Variants in PSD2 observed in about 807,000 individuals in gnomAD.
PSD2 encodes the protein pleckstrin and Sec7 domain containing 2.
A neutral mutation model predicts 69.8 loss-of-function variants in PSD2; 38 were observed. The ratio of observed to expected loss-of-function variants is 0.54; its 90% confidence interval spans 0.42 to 0.71. The LOEUF is 0.71. PSD2 is among the 30% of genes least tolerant of loss of function. The pLI is 0.00. For missense variants in PSD2, 943 were observed against 1,014.5 expected (o/e 0.93, Z 0.96); for synonymous variants, 412 against 423.0 (o/e 0.97, Z 0.32).
At chr5:139,811,474 GCTT>G (rs905027779) in intron 2 of PSD2, among the ~76,000 whole-genome samples, 21 of 152,288 alleles carry the variant, frequency 1.4e-4, no homozygotes, top group African/African-American at 4.8e-4. Context: ...GGAGGGGAGT[GCTT>G]CTTTGCACAT....
At chr5:139,790,602 A>G in the PSD2 span, among the ~76,000 whole-genome samples, 1 of 152,202 alleles carries the variant, frequency 6.6e-6, no homozygotes, top group East Asian at 1.9e-4. Flanking sequence ...TCAAGGGAAG[A>G]AAGTATGTCA....
chr5:139,745,196 T>G, the PSD2 span: 1 of 152,280 alleles, frequency 6.6e-6, no homozygotes, highest in African/African-American at 2.4e-5. Context: ...TCATATACAC[T>G]GTCAGGCTCT....
Position 139,843,135 on chromosome 5 carries a change from A to G in PSD2, c.*661A>G, listed in dbSNP as rs910272848. The G allele has an allele frequency of 1.3e-5, 2 of 152,594 alleles. No individual in the cohort carries two copies. The highest frequency in any genetic ancestry group is 4.8e-5 in the African/African-American group (2 of 41,470). 9.5% of individuals were successfully genotyped at this position (152,594 alleles called of 1,614,324 possible). On this transcript the variant is annotated 3_prime_UTR_variant, in exon 15 of 15. Coordinates refer to ENST00000274710, the MANE Select transcript of PSD2 (RefSeq NM_032289.4). ...ATATACATCTATAAGAATAATATAT[A>G]CATAAGGAACCCCTGAAAGATGGTT...
At chr5:139,768,723 A>C in the PSD2 span, among the ~76,000 whole-genome samples, 1 of 126,650 alleles carries the variant, frequency 7.9e-6, no homozygotes. Context: ...AACTCCATCT[A>C]AAAAAAAAAA....
intron 7 of PSD2, among the ~76,000 whole-genome samples, chr5:139,830,626 CTCTTTCTT>C (rs56225945): frequency 1.7e-3 from 169 of 97,678 alleles, no homozygotes; most frequent in Middle Eastern, 5.0e-3. Context: ...TTCTTTCTTT[CTCTTTCTT>C]TCTTTCTTTC....
At chr5:139,822,831 C>G in intron 7 of PSD2, 47 bp downstream of exon 7, 1 of 1,542,760 alleles carries the variant, frequency 6.5e-7, no homozygotes, top group South Asian at 1.2e-5. Flanking sequence ...TCTCAGGGAC[C>G]CACCTTGTGT....
intron 1 of PSD2, among the ~76,000 whole-genome samples, chr5:139,803,577 CT>C (rs1189889560): frequency 1.3e-5 from 2 of 152,202 alleles, no homozygotes; most frequent in East Asian, 3.8e-4. Flanking sequence ...AGTCACACAG[CT>C]TGTGGCTAGC....
At chr5:139,822,639 C>A in intron 6 of PSD2, 87 bp from the exon 7 acceptor site, 1 of 1,243,330 alleles carries the variant, frequency 8.0e-7, no homozygotes, top group Non-Finnish European at 1.1e-6. Context: ...CCTCTGTGTC[C>A]AAGGTCTCCT....
rs974789449 is a variant in PSD2, at chr5:139,844,426, A to T, written c.*1952A>T. 1 of 152,438 alleles carries T rather than the reference A, an allele frequency of 6.6e-6. No homozygotes were observed. The highest frequency in any genetic ancestry group is 1.9e-4 in the East Asian group (1 of 5,196). 9.4% of individuals were successfully genotyped at this position (152,438 alleles called of 1,614,324 possible). A position where few individuals can be genotyped will look rare whatever the true frequency, so the allele number is the denominator to read the frequency against. On this transcript the variant is annotated 3_prime_UTR_variant, in exon 15 of 15. Transcript: ENST00000274710. ...AAAACATACACAAAAATAGAAATTT[A>T]AAAAAGATGAGATGAAAATAAATCT...
chr5:139,758,646 C>G, the PSD2 span, among the ~76,000 whole-genome samples: 8 of 152,132 alleles, frequency 5.3e-5, no homozygotes, highest in Non-Finnish European at 8.8e-5. Context: ...CTTTTACTAC[C>G]CTGCTCCCTG....
At chr5:139,792,674 G>T (rs1045582921), upstream of PSD2, among the ~76,000 whole-genome samples, 1 of 152,066 alleles carries the variant, frequency 6.6e-6, no homozygotes, top group Non-Finnish European at 1.5e-5. Context: ...TGGCTCCTGG[G>T]TAGGGGGATG....
At chr5:139,808,064 G>A (rs1249615711) in intron 1 of PSD2, among the ~76,000 whole-genome samples, 1 of 152,226 alleles carries the variant, frequency 6.6e-6, no homozygotes, top group African/African-American at 2.4e-5. Flanking sequence ...GGCAGCCAGT[G>A]CCTCTCTTGA....
intron 2 of PSD2, among the ~76,000 whole-genome samples, chr5:139,812,326 A>G (rs1759989227): frequency 6.6e-6 from 1 of 152,004 alleles, no homozygotes; most frequent in Admixed American, 6.6e-5. Context: ...ATGTGGAAGG[A>G]GGGCTTTAGC....
chr5:139,744,590 C>T, the PSD2 span, among the ~76,000 whole-genome samples: 3 of 152,122 alleles, frequency 2.0e-5, no homozygotes, highest in Non-Finnish European at 4.4e-5. Context: ...TCTCAGAGCA[C>T]GATGGTGGCA....
the PSD2 span, among the ~76,000 whole-genome samples, chr5:139,755,471 A>T: frequency 6.6e-6 from 1 of 151,892 alleles, no homozygotes; most frequent in Non-Finnish European, 1.5e-5. Flanking sequence ...TTGTGTTTGT[A>T]GCTCTGCCTG....
In PSD2 at chr5:139,809,662, CCT is replaced by C; in HGVS notation, c.230_231del (p.Leu77HisfsTer42). On this transcript the variant is annotated frameshift_variant, in exon 2 of 15. Transcript: ENST00000274710. LOFTEE classifies it high-confidence loss of function. ...TGGCCTTCCATGGCCTCAGCCTTGG[CCT>C]CTCTCTCACCAATGGCCTAGCCCTG... ...DVAFHGLSLGLSLTNGLALGP... is the reference protein window; with the variant it reads ...DVAFHGLSLGXSLTNGLALGP... 5.0e-6 allele frequency: 8 copies of C among 1,614,260 alleles called. No homozygotes were observed. The highest frequency in any genetic ancestry group is 6.8e-6 in the Non-Finnish European group (8 of 1,180,048).
At chr5:139,753,693 C>A in the PSD2 span, among the ~76,000 whole-genome samples, 1 of 152,192 alleles carries the variant, frequency 6.6e-6, no homozygotes, top group Non-Finnish European at 1.5e-5. Context: ...CCCAGAGAGG[C>A]CAAGCCCTAG....
chr5:139,792,859 T>TTCCTTCC (rs1554093428), upstream of PSD2, among the ~76,000 whole-genome samples: 57 of 107,892 alleles, frequency 5.3e-4, no homozygotes, highest in African/African-American at 8.0e-4. Context: ...TCTTTCTGTC[T>TTCCTTCC]TTCCTTCCTT....
intron 14 of PSD2, among the ~76,000 whole-genome samples, chr5:139,841,755 T>C (rs1760876765): frequency 6.6e-6 from 1 of 152,240 alleles, no homozygotes; most frequent in Non-Finnish European, 1.5e-5. Context: ...ACTAATGATG[T>C]TGAGCATCTT....
Sources: allele counts gnomAD v4.1 joint callset (sites outside exome capture counted in the v4.1 genomes callset), GRCh38; gene constraint gnomAD v4.1.1; transcripts MANE v1.5; gene names NCBI Gene and HGNC (gene_info 2026-07-23, HGNC 2026-07-21).